The following ZNF292 variants were observed in gnomAD, a reference collection of about 807,000 sequenced individuals.
ZNF292 encodes the protein 16 zinc-finger domain protein.
A neutral mutation model predicts 217.9 loss-of-function variants in ZNF292; 26 were observed. The ratio of observed to expected loss-of-function variants is 0.12; its 90% CI spans 0.09 to 0.17. The LOEUF (loss-of-function observed/expected upper bound fraction) is 0.17, where lower values mean the gene tolerates loss of function less well. Ranked by LOEUF, ZNF292 falls within the 10% of genes least tolerant of loss-of-function variation. The pLI is 1.00. For missense variants in ZNF292, 2,904 were observed against 3,175.2 expected (o/e 0.91, Z 2.05); for synonymous variants, 1,257 against 1,124.1 (o/e 1.12, Z -2.37).
chr6:87,229,575 C>T (rs532188564), intron 4 of ZNF292, among the ~76,000 whole-genome samples: 11 of 152,190 alleles, frequency 7.2e-5, no homozygotes, highest in East Asian at 1.9e-4. Context: ...TACAGGCATG[C>T]GCCTCCACGC....
intron 1 of ZNF292, among the ~76,000 whole-genome samples, chr6:87,159,274 T>G (rs1270269081): frequency 6.6e-6 from 1 of 152,104 alleles, no homozygotes; most frequent in East Asian, 1.9e-4. Flanking sequence ...CCCCTTTGCT[T>G]ATTTAAATGA....
In ZNF292 at chr6:87,172,970, T is replaced by G. The variant is rs1582378484; in HGVS notation, c.168+17211T>G. ...TGTAATGATTAAAGGTGAAATCTGT[T>G]TCAAATAAAATTAAAAACCTATATT... On this transcript the variant is annotated intron_variant, in intron 1 of 7. Coordinates refer to ENST00000369577, the MANE Select transcript of ZNF292 (RefSeq NM_015021.3). Among the ~76,000 whole-genome samples, 3 of 152,086 alleles carry G rather than the reference T, an allele frequency of 2.0e-5. No homozygotes were observed. In the South Asian group the frequency reaches 6.2e-4, roughly 31 times the overall value.
chr6:87,175,354 T>G (rs925952039), intron 1 of ZNF292, among the ~76,000 whole-genome samples: 2 of 152,212 alleles, frequency 1.3e-5, no homozygotes, highest in East Asian at 3.8e-4. Context: ...AATGTTCTCT[T>G]TTTTTGAGTT....
intron 1 of ZNF292, among the ~76,000 whole-genome samples, chr6:87,192,409 T>C (rs998686428): frequency 2.0e-4 from 30 of 152,084 alleles, no homozygotes; most frequent in African/African-American, 6.8e-4. Flanking sequence ...TTGGTAAGTT[T>C]CTTAGAATTC....
rs911863966 is a variant in ZNF292 at position 87,204,542 on chromosome 6, G to A, written c.169-11361G>A. On this transcript the variant is annotated intron_variant, in intron 1 of 7. Coordinates refer to ENST00000369577, the MANE Select transcript of ZNF292 (RefSeq NM_015021.3). ...TAAAGTTTATTGTAGGATTTGGTTGGTAACATTTAGGATTTTTTTTTTTTT... is the reference window on the plus strand; with the variant it reads ...TAAAGTTTATTGTAGGATTTGGTTGATAACATTTAGGATTTTTTTTTTTTT... Among the ~76,000 whole-genome samples the A allele has an allele frequency of 2.1e-4, 27 of 130,938 alleles. No individual in the cohort carries two copies. In the South Asian group the frequency reaches 4.0e-3, roughly 19 times the overall value. 85.9% of individuals were successfully genotyped at this position (130,938 alleles called of 152,430 possible). A position where few individuals can be genotyped will look rare whatever the true frequency, so the allele number is the denominator to read the frequency against.
chr6:87,265,897 G>GT lies in ZNF292; in HGVS notation c.*4097dup. On this transcript the variant is annotated 3_prime_UTR_variant, in exon 8 of 8. Transcript: ENST00000369577. ...TCAAGTAATGCTCATTGAATTTCAA[G>GT]TAATTGTGATTAAACGTTGATTAAA... 6.6e-6 allele frequency among the ~76,000 whole-genome samples: 1 copy of GT among 152,292 alleles called. No individual in the cohort carries two copies. Among genetic ancestry groups the GT allele is most frequent in the Non-Finnish European group, 1.5e-5 (1 of 68,018 alleles).
Position 87,261,649 on chromosome 6 carries a change from C to T in ZNF292, c.8020C>T (p.Leu2674Phe), listed in dbSNP as rs1395004891. Residue 2674 changes from leucine to phenylalanine, a missense_variant, in exon 8 of 8, where the codon CTT becomes TTT. Leu to Phe is a conservative substitution (Grantham distance 22, BLOSUM62 0). This residue lies in a region of ZNF292 where 380 missense variants were observed against 355.3 expected (regional missense o/e 1.07). Transcript: ENST00000369577. Reference protein sequence around the residue: ...DNVKIVLDKNLKDCTELVLKQ... With the variant: ...DNVKIVLDKNFKDCTELVLKQ... ...TGTAAAAATTGTTTTAGACAAGAAT[C>T]TTAAAGATTGCACTGAGCTTGTCTT... 44 of 1,612,212 alleles carry T rather than the reference C, an allele frequency of 2.7e-5. No individual in the cohort carries two copies. Among genetic ancestry groups the T allele is most frequent in the Non-Finnish European group, 3.7e-5 (44 of 1,179,004 alleles).
At chr6:87,167,827 G>C (rs1356131613) in intron 1 of ZNF292, among the ~76,000 whole-genome samples, 2 of 152,148 alleles carry the variant, frequency 1.3e-5, no homozygotes, top group Non-Finnish European at 2.9e-5. Flanking sequence ...ATTCTTCGCT[G>C]ATTCAGAAAA....
intron 1 of ZNF292, among the ~76,000 whole-genome samples, chr6:87,175,475 A>G (rs1197997308): frequency 1.3e-5 from 2 of 152,104 alleles, no homozygotes. Flanking sequence ...AGCTAGGATT[A>G]CAGGCCCACA....
At chr6:87,241,302 A>AAATG (rs1400547443) in intron 5 of ZNF292, among the ~76,000 whole-genome samples, 1 of 152,134 alleles carries the variant, frequency 6.6e-6, no homozygotes, top group Non-Finnish European at 1.5e-5. Flanking sequence ...ATAAATAAAT[A>AAATG]AATATATAAA....
At position 87,261,765 on chromosome 6, in the gene ZNF292, C is replaced by G. The variant is rs774424978; in HGVS notation, c.8136C>G (p.Ile2712Met). The G allele has an allele frequency of 6.2e-6, 10 of 1,612,280 alleles. No individual in the cohort carries two copies. In the South Asian group the frequency reaches 9.9e-5, roughly 16 times the overall value. The change falls in exon 8 of 8, where the codon ATC (isoleucine) becomes ATG (methionine). Residue 2712 changes from isoleucine to methionine, a missense_variant. By Grantham distance (10) the Ile-to-Met change is conservative. Around this residue, in one of 15 missense-constraint regions of ZNF292, gnomAD observed 380 missense variants for 355.3 expected, o/e 1.07. Coordinates refer to ENST00000369577, the MANE Select transcript of ZNF292 (RefSeq NM_015021.3). ...CAGATATGTCTGTTATGAAAGATAT[C>G]AGTATAGGTAAAGCCACAGGCAGAG... Reference protein sequence around the residue: ...NDPDMSVMKDISIGKATGRGQ... With the variant: ...NDPDMSVMKDMSIGKATGRGQ...
chr6:87,194,711 G>A (rs1349189172), intron 1 of ZNF292, among the ~76,000 whole-genome samples: 2 of 152,006 alleles, frequency 1.3e-5, no homozygotes, highest in East Asian at 1.9e-4. Flanking sequence ...ATTTTACAAA[G>A]TAATATCAAA....
chr6:87,250,035 A>C (rs1401123809), intron 7 of ZNF292, among the ~76,000 whole-genome samples: 1 of 142,948 alleles, frequency 7.0e-6, no homozygotes, highest in Non-Finnish European at 1.5e-5. Flanking sequence ...AAAAAAAAAA[A>C]ACAAAAAAAA....
intron 4 of ZNF292, among the ~76,000 whole-genome samples, chr6:87,226,724 AGCTGGAGTGCAGT>A (rs1470712943): frequency 6.6e-6 from 1 of 150,376 alleles, no homozygotes; most frequent in African/African-American, 2.4e-5. Flanking sequence ...CTGTCGCCCA[AGCTGGAGTGCAGT>A]GCATGATCTT....
intron 1 of ZNF292, among the ~76,000 whole-genome samples, chr6:87,205,323 C>T (rs1235143164): frequency 6.6e-6 from 1 of 152,160 alleles, no homozygotes; most frequent in Admixed American, 6.5e-5. Flanking sequence ...ATCCTCCCAC[C>T]TTGGCTTCCC....
At chr6:87,253,046 A>G (rs1271128099) in intron 7 of ZNF292, among the ~76,000 whole-genome samples, 1 of 151,944 alleles carries the variant, frequency 6.6e-6, no homozygotes, top group African/African-American at 2.4e-5. Context: ...AGCTAGGATT[A>G]CAGGCACATG....
Position 87,256,849 on chromosome 6 carries a change from G to A in ZNF292, c.3220G>A (p.Val1074Ile). The A allele has an allele frequency of 6.2e-7, 1 of 1,613,714 alleles. No homozygotes were observed. The highest frequency in any genetic ancestry group is 8.5e-7 in the Non-Finnish European group (1 of 1,179,802). The change falls in exon 8 of 8, where the codon GTT (valine) becomes ATT (isoleucine). Residue 1074 changes from valine to isoleucine, a missense_variant. Coordinates refer to ENST00000369577, the MANE Select transcript of ZNF292 (RefSeq NM_015021.3). ...PLKTLESIAF[V>I]PPQSDLSNSL... ...TAAGACATTAGAAAGTATTGCATTT[G>A]TTCCACCGCAGTCCGACCTAAGTAA... is the stretch of plus-strand genomic sequence containing the variant.
Position 87,259,067 on chromosome 6 carries a change from C to G in ZNF292, c.5438C>G (p.Ser1813Cys). 1 of 1,613,338 alleles carries G rather than the reference C, an allele frequency of 6.2e-7. No homozygotes were observed. The highest frequency in any genetic ancestry group is 1.3e-5 in the African/African-American group (1 of 75,018). The change falls in exon 8 of 8, where the codon TCC (serine) becomes TGC (cysteine). Residue 1813 changes from serine to cysteine, a missense_variant. Physicochemically the swap from Ser to Cys is moderately radical, Grantham distance 112. Transcript: ENST00000369577. ...AAATTACCCGATTCTTCTCCGTTTT[C>G]CTCCTTTATAAGTGTCATGCCAACA... Reference protein sequence around the residue: ...NNKLPDSSPFSSFISVMPTKS... With the variant: ...NNKLPDSSPFCSFISVMPTKS...
rs756555025 is a variant in ZNF292 at position 87,256,181 on chromosome 6, C to A, written c.2552C>A (p.Ser851Tyr). 6.2e-7 allele frequency: 1 copy of A among 1,613,794 alleles called. No homozygotes were observed. The highest frequency in any genetic ancestry group is 1.1e-5 in the South Asian group (1 of 91,062). ...GCCCAACTTAATTCATCTGGAGATTCCATTCAGCCTTCTGAAGTGAATCAG... is the reference window on the plus strand; with the variant it reads ...GCCCAACTTAATTCATCTGGAGATTACATTCAGCCTTCTGAAGTGAATCAG... Reference protein sequence around the residue: ...PEAQLNSSGDSIQPSEVNQNT... With the variant: ...PEAQLNSSGDYIQPSEVNQNT... The change falls in exon 8 of 8, where the codon TCC becomes TAC. Residue 851 changes from serine to tyrosine, a missense_variant. By Grantham distance (144) the Ser-to-Tyr change is moderately radical (BLOSUM62 -2). Around this residue, in one of 15 missense-constraint regions of ZNF292, gnomAD observed 687 missense variants for 623.0 expected, o/e 1.10. Coordinates refer to ENST00000369577, the MANE Select transcript of ZNF292 (RefSeq NM_015021.3).
Sources: gnomAD v4.1 joint callset for allele counts (sites outside exome capture counted in the v4.1 genomes callset) on GRCh38, gnomAD v4.1.1 for gene constraint, gnomAD v4.1.1 regional missense constraint, MANE v1.5 for transcripts, NCBI Gene and HGNC (gene_info 2026-07-23, HGNC 2026-07-21) for gene names.